Variants in FGF14 observed in about 807,000 individuals in gnomAD.
The protein encoded by FGF14 is fibroblast growth factor homologous factor 4.
FGF14 carries 5 observed loss-of-function variants against 25.5 expected under a neutral mutation model. That is an observed-to-expected ratio of 0.20 (90% CI 0.10 to 0.41). FGF14 has a LOEUF of 0.41. FGF14 is among the 10% of genes least tolerant of loss of function. The pLI is 1.00. For synonymous variants in FGF14, 138 were observed against 118.3 expected (o/e 1.17, Z -1.08); for missense variants, 222 against 320.1 (o/e 0.69, Z 2.34).
At chr13:101,815,880 G>A (rs1594352653) in intron 3 of FGF14, among the ~76,000 whole-genome samples, 2 of 152,222 alleles carry the variant, frequency 1.3e-5, no homozygotes, top group Non-Finnish European at 2.9e-5. Flanking sequence ...AGCAAGAGAA[G>A]GAATAAGCCC....
At chr13:102,111,518 C>A (rs2140323304) in intron 1 of FGF14, among the ~76,000 whole-genome samples, 1 of 152,156 alleles carries the variant, frequency 6.6e-6, no homozygotes, top group African/African-American at 2.4e-5. Context: ...AGTTCGAGAA[C>A]AGCCAGAGCA....
At chr13:101,889,231 C>T (rs1047430864) in intron 1 of FGF14, among the ~76,000 whole-genome samples, 1 of 150,836 alleles carries the variant, frequency 6.6e-6, no homozygotes, top group African/African-American at 2.5e-5. Context: ...AGAGGAATTG[C>T]CATTTAAAAA....
chr13:102,049,202 T>C (rs1343871986), intron 1 of FGF14, among the ~76,000 whole-genome samples: 1 of 152,222 alleles, frequency 6.6e-6, no homozygotes, highest in Non-Finnish European at 1.5e-5. Flanking sequence ...AGGCTATATA[T>C]AATTTTTAAA....
chr13:102,035,515 T>C (rs376423823), intron 1 of FGF14, among the ~76,000 whole-genome samples: 9 of 152,134 alleles, frequency 5.9e-5, no homozygotes, highest in African/African-American at 2.2e-4. Flanking sequence ...TGACTACTGG[T>C]ACCACTGGAT....
At chr13:101,903,110 TG>T (rs1183903143) in intron 1 of FGF14, among the ~76,000 whole-genome samples, 1 of 152,134 alleles carries the variant, frequency 6.6e-6, no homozygotes, top group Non-Finnish European at 1.5e-5. Context: ...TTTAGAAGCA[TG>T]CATGCTGTTG....
chr13:101,726,230 T>A (rs969586858), intron 4 of FGF14, among the ~76,000 whole-genome samples: 5 of 152,134 alleles, frequency 3.3e-5, no homozygotes, highest in African/African-American at 1.2e-4. Context: ...AAACTTATTT[T>A]TTCTAATATA....
intron 1 of FGF14, among the ~76,000 whole-genome samples, chr13:102,004,000 A>G (rs1453543860): frequency 6.6e-6 from 1 of 152,116 alleles, no homozygotes; most frequent in Non-Finnish European, 1.5e-5. Flanking sequence ...CTCCCCAGAG[A>G]GTTATCTCTA....
intron 1 of FGF14, among the ~76,000 whole-genome samples, chr13:102,296,379 C>A (rs919215590): frequency 2.6e-5 from 4 of 152,018 alleles, no homozygotes; most frequent in Non-Finnish European, 5.9e-5. Context: ...TGCACAAAAC[C>A]CCTCTGCACA....
chr13:102,386,142 T>C (rs536856580), intron 1 of FGF14, among the ~76,000 whole-genome samples: 123 of 151,708 alleles, frequency 8.1e-4, no homozygotes, highest in Middle Eastern at 3.4e-3. Context: ...AATTTTTTTT[T>C]TTTTTTTTTT....
At chr13:102,038,685 TGA>T (rs1218744579) in intron 1 of FGF14, among the ~76,000 whole-genome samples, 1 of 152,144 alleles carries the variant, frequency 6.6e-6, no homozygotes, top group African/African-American at 2.4e-5. Flanking sequence ...CCCCCCACTG[TGA>T]GACAGTCAGA....
rs571930600 is a variant in FGF14 at position 102,168,195 on chromosome 13, G to A, written c.208+233276C>T. The stretch of plus-strand genomic sequence containing the variant: ...TGATTATGGCATTAATAGAAACCAC[G>A]TGCTTTGACAGTGTAAACATTTCCT... On this transcript the variant is annotated intron_variant, in intron 1 of 4. Transcript: ENST00000376131. Among the ~76,000 whole-genome samples, 7 of 152,128 alleles carry A rather than the reference G, an allele frequency of 4.6e-5. No homozygotes were observed. The South Asian group carries it at 1.0e-3, about 23-fold the overall frequency.
intron 3 of FGF14, among the ~76,000 whole-genome samples, chr13:101,864,190 G>C (rs1287713000): frequency 6.6e-6 from 1 of 152,132 alleles, no homozygotes. Flanking sequence ...GAGATGACCA[G>C]TCCCTATTCC....
intron 1 of FGF14, among the ~76,000 whole-genome samples, chr13:102,381,488 C>A (rs907721355): frequency 1.3e-5 from 2 of 152,110 alleles, no homozygotes; most frequent in African/African-American, 2.4e-5. Flanking sequence ...ATCTTTGAAG[C>A]AGAGAGCAAG....
chr13:102,331,117 AT>A lies in FGF14; in HGVS notation c.208+70353del, dbSNP rs149284659. Among the ~76,000 whole-genome samples, 572 of 152,326 alleles carry A rather than the reference AT, an allele frequency of 3.8e-3. 4 individuals carry two copies. The highest frequency in any genetic ancestry group is 0.013 in the African/African-American group (543 of 41,574). ...TGTGGATAATAAAGTATGTCATAAA[AT>A]TATTAAAGTAAATAAAATGTTATAT... On this transcript the variant is annotated intron_variant, in intron 1 of 4. Transcript: ENST00000376131.
chr13:101,994,122 A>C (rs1180323057), intron 1 of FGF14, among the ~76,000 whole-genome samples: 2 of 151,902 alleles, frequency 1.3e-5, no homozygotes, highest in East Asian at 3.9e-4. Context: ...CTGAAACTTA[A>C]TCTCAAATGA....
intron 1 of FGF14, among the ~76,000 whole-genome samples, chr13:102,046,174 C>T (rs1284063627): frequency 6.6e-6 from 1 of 152,112 alleles, no homozygotes; most frequent in African/African-American, 2.4e-5. Context: ...TTTTCCTAAG[C>T]CTCTCTCTAG....
At chr13:101,748,540 TA>T (rs1235917875) in intron 3 of FGF14, among the ~76,000 whole-genome samples, 1 of 151,440 alleles carries the variant, frequency 6.6e-6, no homozygotes, top group Admixed American at 6.6e-5. Context: ...CAACGTACAC[TA>T]AAAGCCCATA....
intron 1 of FGF14, among the ~76,000 whole-genome samples, chr13:102,190,704 G>C (rs1049724861): frequency 6.6e-6 from 1 of 152,144 alleles, no homozygotes; most frequent in African/African-American, 2.4e-5. Context: ...GTTGGGGTGT[G>C]GGGACATTGC....
chr13:101,821,542 CTT>C (rs2140239641), intron 3 of FGF14, among the ~76,000 whole-genome samples: 1 of 152,286 alleles, frequency 6.6e-6, no homozygotes, highest in South Asian at 2.1e-4. Flanking sequence ...ATTTGTCTCT[CTT>C]GACTATATAC....
Sources: allele counts gnomAD v4.1 joint callset (sites outside exome capture counted in the v4.1 genomes callset), GRCh38; gene constraint gnomAD v4.1.1; transcripts MANE v1.5; gene names NCBI Gene and HGNC (gene_info 2026-07-23, HGNC 2026-07-21).